Variants in GNAO1 observed in about 807,000 individuals in gnomAD.
GNAO1 encodes the protein guanine nucleotide-binding protein G(o) subunit alpha.
For missense variants in GNAO1, 166 were observed against 478.7 expected (o/e 0.35, Z 6.10); for synonymous variants, 164 against 180.7 (o/e 0.91, Z 0.74).
rs144830331 is a variant in GNAO1 at position 56,315,952 on chromosome 16, G to C, written c.304-12679G>C. Among the ~76,000 whole-genome samples, 1,214 of 152,110 alleles carry C rather than the reference G, an allele frequency of 8.0e-3. 18 individuals are homozygous for C. Among genetic ancestry groups the C allele is most frequent in the African/African-American group, 0.028 (1,181 of 41,484 alleles). ...CGGGCACCTGTAATCCCAGCTACTC[G>C]GGAGGCTGAGGCAGGAGAATTGCTT... On this transcript the variant is annotated intron_variant, in intron 3 of 8. Coordinates refer to ENST00000262493, the MANE Select transcript of GNAO1 (RefSeq NM_020988.3).
chr16:56,249,712 C>T (rs1189334908), intron 2 of GNAO1, among the ~76,000 whole-genome samples: 1 of 152,228 alleles, frequency 6.6e-6, no homozygotes, highest in Non-Finnish European at 1.5e-5. Flanking sequence ...AGTCTTTTCT[C>T]TCTATTCATT....
At chr16:56,343,792 T>C (rs866235351) in intron 6 of GNAO1, 8 of 1,613,594 alleles carry the variant, frequency 5.0e-6, no homozygotes, top group Middle Eastern at 1.6e-4. Flanking sequence ...AGCCGTGGCT[T>C]ACATCCAGGC....
intron 2 of GNAO1, among the ~76,000 whole-genome samples, chr16:56,265,213 C>A (rs1248885698): frequency 1.3e-5 from 2 of 152,238 alleles, no homozygotes; most frequent in Non-Finnish European, 2.9e-5. Context: ...GCTCATGGCC[C>A]ATTCAGATGA....
intron 2 of GNAO1, among the ~76,000 whole-genome samples, chr16:56,271,862 A>G (rs2037021178): frequency 6.6e-6 from 1 of 152,190 alleles, no homozygotes. Context: ...AGGAGATTAA[A>G]TTGTTTACCA....
chr16:56,225,914 T>A (rs1271978041), intron 2 of GNAO1, among the ~76,000 whole-genome samples: 1 of 151,822 alleles, frequency 6.6e-6, no homozygotes, highest in Non-Finnish European at 1.5e-5. Context: ...AGGAATGAAA[T>A]CTCAGCCAGG....
intron 3 of GNAO1, among the ~76,000 whole-genome samples, chr16:56,280,377 G>T (rs1469865132): frequency 1.3e-5 from 2 of 152,234 alleles, no homozygotes; most frequent in Non-Finnish European, 2.9e-5. Flanking sequence ...CCAGTGGGCA[G>T]AACAGAGGAC....
intron 2 of GNAO1, chr16:56,213,413 G>A (rs2036408529): frequency 2.5e-6 from 1 of 398,266 alleles, no homozygotes; most frequent in Non-Finnish European, 4.4e-6. Context: ...ATACATAGTA[G>A]TATTATACAT....
chr16:56,244,457 G>A (rs1287712304), intron 2 of GNAO1, among the ~76,000 whole-genome samples: 2 of 151,928 alleles, frequency 1.3e-5, no homozygotes, highest in Non-Finnish European at 2.9e-5. Context: ...TCCCACCAGG[G>A]TAGTAACCCT....
At chr16:56,317,705 A>T (rs578223751) in intron 3 of GNAO1, among the ~76,000 whole-genome samples, 1 of 152,104 alleles carries the variant, frequency 6.6e-6, no homozygotes, top group African/African-American at 2.4e-5. Context: ...GTGGTGCAGG[A>T]TGTGTGGCTG....
Position 56,319,562 on chromosome 16 carries a change from G to A in GNAO1, c.304-9069G>A, listed in dbSNP as rs138533040. ...TGGAAGCAGCACCCCTACCTGCTGC[G>A]CACCATGGGCTGTTATACTGATTGT... On this transcript the variant is annotated intron_variant, in intron 3 of 8. Transcript: ENST00000262493. 7.1e-4 allele frequency among the ~76,000 whole-genome samples: 108 copies of A among 152,220 alleles called. 2 individuals carry two copies. The East Asian group carries it at 0.018, about 25-fold the overall frequency.
intron 4 of GNAO1, among the ~76,000 whole-genome samples, chr16:56,333,469 C>T (rs1415968248): frequency 6.6e-6 from 1 of 152,248 alleles, no homozygotes; most frequent in Admixed American, 6.5e-5. Flanking sequence ...CTTGGCCTCC[C>T]AAAGTGCTGG....
intron 2 of GNAO1, among the ~76,000 whole-genome samples, chr16:56,231,686 G>C (rs1016166234): frequency 1.3e-5 from 2 of 152,220 alleles, no homozygotes; most frequent in Non-Finnish European, 2.9e-5. Context: ...GACTGTGTTT[G>C]AAAAGAGCTG....
rs34470121 is a variant in GNAO1 at position 56,323,658 on chromosome 16, C to CAA, written c.304-4958_304-4957dup. Among the ~76,000 whole-genome samples the CAA allele has an allele frequency of 2.7e-3, 376 of 138,066 alleles. 2 individuals are homozygous for CAA. The highest frequency in any genetic ancestry group is 3.7e-3 in the Non-Finnish European group (228 of 61,828). 90.6% of individuals were successfully genotyped at this position (138,066 alleles called of 152,430 possible). On this transcript the variant is annotated intron_variant, in intron 3 of 8. Coordinates refer to ENST00000262493, the MANE Select transcript of GNAO1 (RefSeq NM_020988.3). ...TCACATGGTCACAACTAGCTGTAAG[C>CAA]AAAAAAAAAAAAAAAATCCAGCCTT... is the stretch of plus-strand genomic sequence containing the variant.
rs562422834 is a variant in GNAO1, at chr16:56,290,686, G to A, written c.303+14614G>A. Among the ~76,000 whole-genome samples the A allele has an allele frequency of 1.2e-4, 19 of 152,306 alleles. No homozygotes were observed. The South Asian group carries it at 2.7e-3, about 22-fold the overall frequency. Reference sequence around the variant, plus strand: ...ACACACGTGAGGCATGTGAGAGGGGGTGCCTCCTGAAAGCTGGCTCTGTGC... The same window carrying A: ...ACACACGTGAGGCATGTGAGAGGGGATGCCTCCTGAAAGCTGGCTCTGTGC... On this transcript the variant is annotated intron_variant, in intron 3 of 8. Transcript: ENST00000262493.
At chr16:56,252,946 C>T (rs1180600809) in intron 2 of GNAO1, among the ~76,000 whole-genome samples, 2 of 152,234 alleles carry the variant, frequency 1.3e-5, no homozygotes, top group African/African-American at 4.8e-5. Flanking sequence ...GCCGTCCATG[C>T]TGGAGCCAGA....
intron 2 of GNAO1, chr16:56,270,171 G>C (rs2037002860): frequency 6.6e-6 from 1 of 152,378 alleles, no homozygotes; most frequent in South Asian, 2.1e-4. Flanking sequence ...ATACCCACGT[G>C]AGATCTCCTC....
At chr16:56,345,413 T>C in intron 6 of GNAO1, 1 of 985,788 alleles carries the variant, frequency 1.0e-6, no homozygotes, top group Non-Finnish European at 1.2e-6. Context: ...GGCCCCTGGG[T>C]TTCCACTTGC....
rs569028597 is a variant in GNAO1 at position 56,215,369 on chromosome 16, T to G, written c.161+22753T>G. 2.0e-5 allele frequency among the ~76,000 whole-genome samples: 3 copies of G among 152,290 alleles called. No homozygotes were observed. In the East Asian group the frequency reaches 5.8e-4, roughly 29 times the overall value. ...ATGCACTACTACCAGAACAGAATAG[T>G]CTTGCTCACCATGAGCCTGACACAG... On this transcript the variant is annotated intron_variant, in intron 2 of 8. Transcript: ENST00000262493.
chr16:56,347,104 T>A, intron 6 of GNAO1: 1 of 985,316 alleles, frequency 1.0e-6, no homozygotes, highest in Middle Eastern at 5.2e-4. Flanking sequence ...CAGTCCCAGG[T>A]GGATATTTAA....
Sources: allele counts gnomAD v4.1 joint callset (sites outside exome capture counted in the v4.1 genomes callset), GRCh38; gene constraint gnomAD v4.1.1; transcripts MANE v1.5; gene names NCBI Gene and HGNC (gene_info 2026-07-23, HGNC 2026-07-21).